The following ADAMTS18 variants were observed in gnomAD, a reference collection of about 807,000 sequenced individuals.
ADAMTS18 encodes ADAM metallopeptidase with thrombospondin type 1 motif 18.
ADAMTS18 carries 157 observed loss-of-function variants against 165.9 expected under a neutral mutation model. That is an observed-to-expected ratio of 0.95 (90% CI 0.83 to 1.08). ADAMTS18 has a LOEUF of 1.08. Among genes scored for constraint, ADAMTS18 ranks in the 50% least tolerant of loss-of-function variants. ADAMTS18 has a pLI of 0.00. For missense variants in ADAMTS18, 2,040 were observed against 1,534.0 expected (o/e 1.33, Z -5.51); for synonymous variants, 782 against 578.2 (o/e 1.35, Z -5.06).
intron 9 of ADAMTS18, among the ~76,000 whole-genome samples, chr16:77,354,998 G>T (rs1454932835): frequency 1.3e-5 from 2 of 152,120 alleles, no homozygotes; most frequent in Admixed American, 1.3e-4. Flanking sequence ...GGCATATGTG[G>T]TTAGATATCT....
intron 3 of ADAMTS18, among the ~76,000 whole-genome samples, chr16:77,426,689 A>G (rs574799585): frequency 1.3e-5 from 2 of 152,314 alleles, no homozygotes; most frequent in African/African-American, 2.4e-5. Context: ...CATGCTCTCA[A>G]CAGTGCCTGA....
In ADAMTS18 at chr16:77,334,185, T is replaced by TGTTATATATTACATATAATATAC. The variant is rs2056244767; in HGVS notation, c.1859+1570_1859+1571insGTATATTATATGTAATATATAAC. ...AGTGTTATATATTATATATAATATA[T>TGTTATATATTACATATAATATAC]AGTGTTATATATTACATATAATATA... On this transcript the variant is annotated intron_variant, in intron 12 of 22. Transcript: ENST00000282849. Among the ~76,000 whole-genome samples, 2 of 30,054 alleles carry TGTTATATATTACATATAATATAC rather than the reference T, an allele frequency of 6.7e-5. 1 individual carries two copies. The highest frequency in any genetic ancestry group is 1.3e-4 in the Non-Finnish European group (2 of 15,886). The allele number at this position is 30,054 out of a possible 152,430, so 19.7% of individuals were successfully genotyped here.
intron 7 of ADAMTS18, 62 bp downstream of exon 7, chr16:77,362,043 G>A: frequency 1.9e-6 from 3 of 1,575,488 alleles, no homozygotes; most frequent in Non-Finnish European, 2.6e-6. Flanking sequence ...ATCATCCATA[G>A]AAAGTTTCCA....
At chr16:77,368,351 T>G (rs184087288) in intron 3 of ADAMTS18, among the ~76,000 whole-genome samples, 1 of 152,118 alleles carries the variant, frequency 6.6e-6, no homozygotes, top group Non-Finnish European at 1.5e-5. Context: ...ACCTGGCAGA[T>G]GCCATGTTCA....
At chr16:77,384,489 G>C (rs1037829337) in intron 3 of ADAMTS18, among the ~76,000 whole-genome samples, 1 of 152,126 alleles carries the variant, frequency 6.6e-6, no homozygotes, top group Non-Finnish European at 1.5e-5. Flanking sequence ...GACTGAATAG[G>C]GGAATATGCA....
chr16:77,297,503 G>T (rs2055497186), intron 17 of ADAMTS18, 88 bp from the exon 18 acceptor site: 24 of 1,364,094 alleles, frequency 1.8e-5, no homozygotes, highest in Non-Finnish European at 2.4e-5. Flanking sequence ...TACCAGCATT[G>T]TGATATTTTA....
At position 77,284,089 on chromosome 16, in the gene ADAMTS18, A is replaced by T. The variant is rs375611356; in HGVS notation, c.3551-18T>A. 1 of 1,524,692 alleles carries T rather than the reference A, an allele frequency of 6.6e-7. No homozygotes were observed. 94.4% of individuals were successfully genotyped at this position (1,524,692 alleles called of 1,614,324 possible). ...TGGATCCTCTAAAATAAGAAAATAT[A>T]TTTAGCATGTTGGCTAGGGTGTCTA... On this transcript the variant is annotated intron_variant, in intron 22 of 22. Coordinates refer to ENST00000282849, the MANE Select transcript of ADAMTS18 (RefSeq NM_199355.4).
chr16:77,325,800 C>T (rs1215668567), intron 13 of ADAMTS18, 66 bp downstream of exon 13: 1 of 1,491,012 alleles, frequency 6.7e-7, no homozygotes, highest in Non-Finnish European at 9.2e-7. Context: ...GCAATTTCTT[C>T]TGTATTGGTC....
At chr16:77,305,906 G>T (rs1430978433) in intron 16 of ADAMTS18, among the ~76,000 whole-genome samples, 1 of 152,130 alleles carries the variant, frequency 6.6e-6, no homozygotes, top group Non-Finnish European at 1.5e-5. Context: ...CATTCCCATT[G>T]TTCACATTTT....
intron 21 of ADAMTS18, chr16:77,290,924 T>A: frequency 3.3e-6 from 1 of 299,744 alleles, no homozygotes. Flanking sequence ...GTGAGCAGCA[T>A]TTCTAAAACA....
Position 77,283,748 on chromosome 16 carries a change from T to TTTCAAGTGCTTCAGAGTACC in ADAMTS18, c.*188_*207dup. The TTTCAAGTGCTTCAGAGTACC allele has an allele frequency of 3.5e-6, 2 of 565,890 alleles. No individual in the cohort carries two copies. Among genetic ancestry groups the TTTCAAGTGCTTCAGAGTACC allele is most frequent in the Non-Finnish European group, 6.3e-6 (2 of 316,134 alleles). The allele number at this position is 565,890 out of a possible 1,614,324, so 35.1% of individuals were successfully genotyped here. On this transcript the variant is annotated 3_prime_UTR_variant, in exon 23 of 23. Transcript: ENST00000282849. ...AGTCAGATTTGTCATCGCTTCCCAT[T>TTTCAAGTGCTTCAGAGTACC]TTCAAGTGCTTCAGAGTACCACGTG...
intron 18 of ADAMTS18, among the ~76,000 whole-genome samples, chr16:77,296,628 T>C (rs1015268539): frequency 2.0e-5 from 3 of 152,174 alleles, no homozygotes; most frequent in Non-Finnish European, 2.9e-5. Flanking sequence ...GAGGCCAGCC[T>C]GGCCAACATG....
rs749781828 is a variant in ADAMTS18 at position 77,320,002 on chromosome 16, G to A, written c.2379C>T (p.Ser793=). The change falls in exon 16 of 23, where the codon AGC becomes AGT. Residue 793 remains serine (S), a synonymous_variant. Transcript: ENST00000282849. ...CGGTGAGGTAATACTTTTGACTGAG[G>A]CTTCGAACTGCGAGGTAACTGGAGG... The part of the protein sequence containing the change: ...QVSSSYLAVR[S]LSQKYYLTGG... 7 of 1,614,146 alleles carry A rather than the reference G, an allele frequency of 4.3e-6. No homozygotes were observed. Among genetic ancestry groups the A allele is most frequent in the Non-Finnish European group, 5.9e-6 (7 of 1,180,030 alleles).
chr16:77,310,750 C>G (rs1272019543), intron 16 of ADAMTS18, among the ~76,000 whole-genome samples: 1 of 152,076 alleles, frequency 6.6e-6, no homozygotes, highest in African/African-American at 2.4e-5. Context: ...TCCTCAGCCT[C>G]TGGAATAGCT....
At chr16:77,404,146 T>C (rs1449758735) in intron 3 of ADAMTS18, among the ~76,000 whole-genome samples, 1 of 151,972 alleles carries the variant, frequency 6.6e-6, no homozygotes, top group Admixed American at 6.6e-5. Context: ...GACAACTGTG[T>C]CTCCTAACAG....
chr16:77,406,976 T>C (rs928757572), intron 3 of ADAMTS18, among the ~76,000 whole-genome samples: 3 of 151,988 alleles, frequency 2.0e-5, no homozygotes, highest in Admixed American at 1.3e-4. Flanking sequence ...GCTGAAAAAC[T>C]ACCTATTGGG....
At chr16:77,400,254 C>T (rs756120890) in intron 3 of ADAMTS18, among the ~76,000 whole-genome samples, 2 of 152,110 alleles carry the variant, frequency 1.3e-5, no homozygotes, top group Non-Finnish European at 2.9e-5. Context: ...GACCACATCC[C>T]ACCTAGAGCC....
At chr16:77,301,949 AT>A (rs1193104951) in intron 16 of ADAMTS18, among the ~76,000 whole-genome samples, 1 of 151,038 alleles carries the variant, frequency 6.6e-6, no homozygotes, top group Non-Finnish European at 1.5e-5. Flanking sequence ...ATAAAAAAAA[AT>A]CTTGAAATCA....
intron 18 of ADAMTS18, among the ~76,000 whole-genome samples, chr16:77,295,896 T>G (rs2144580092): frequency 6.6e-6 from 1 of 152,040 alleles, no homozygotes; most frequent in Admixed American, 6.6e-5. Context: ...CAGGCTGGAG[T>G]GCAATGGCTC....
Sources: allele counts gnomAD v4.1 joint callset (sites outside exome capture counted in the v4.1 genomes callset), GRCh38; gene constraint gnomAD v4.1.1; transcripts MANE v1.5; gene names NCBI Gene and HGNC (gene_info 2026-07-23, HGNC 2026-07-21).